MMP16: variants seen among roughly 807,000 people sequenced by gnomAD.
The protein encoded by MMP16 is matrix metallopeptidase 16, also known as matrix metalloproteinase-16.
MMP16 carries 12 observed loss-of-function variants against 67.8 expected under a neutral mutation model. That is an observed-to-expected ratio of 0.18 (90% confidence interval 0.11 to 0.29). MMP16 has a LOEUF of 0.29. Among genes scored for constraint, MMP16 ranks in the 10% least tolerant of loss-of-function variants. The pLI is 1.00. For synonymous variants in MMP16, 249 were observed against 255.9 expected (o/e 0.97, Z 0.26); for missense variants, 475 against 765.7 (o/e 0.62, Z 4.48).
chr8:88,320,511 C>T (rs1811442462), intron 1 of MMP16, among the ~76,000 whole-genome samples: 1 of 152,060 alleles, frequency 6.6e-6, no homozygotes, highest in Non-Finnish European at 1.5e-5. Flanking sequence ...GTTATACTGC[C>T]ATGCCCAGAA....
intron 6 of MMP16, among the ~76,000 whole-genome samples, chr8:88,077,080 T>C (rs1808663660): frequency 6.6e-6 from 1 of 152,202 alleles, no homozygotes; most frequent in South Asian, 2.1e-4. Flanking sequence ...GAGATAAGCA[T>C]AGTCAATTTG....
Position 88,116,703 on chromosome 8 carries a change from A to C in MMP16, c.887T>G (p.Ile296Ser), listed in dbSNP as rs374569912. 2.7e-5 allele frequency: 44 copies of C among 1,613,372 alleles called. No individual in the cohort carries two copies. The highest frequency in any genetic ancestry group is 3.6e-5 in the Non-Finnish European group (42 of 1,179,704). The change falls in exon 6 of 10, where the codon ATT (isoleucine) becomes AGT (serine). Residue 296 changes from isoleucine to serine, a missense_variant. Coordinates refer to ENST00000286614, the MANE Select transcript of MMP16 (RefSeq NM_005941.5). ...CGGTAGAGGTCTTGTAGGTGGAGGA[A>C]TCTTGTCAGGTGGACCTTTTGAAAA... ...IQKIYGPPDK[I>S]PPPTRPLPTV...
At chr8:88,254,696 A>G (rs923318108) in intron 1 of MMP16, among the ~76,000 whole-genome samples, 1 of 152,220 alleles carries the variant, frequency 6.6e-6, no homozygotes, top group Non-Finnish European at 1.5e-5. Flanking sequence ...ATGATAAAAA[A>G]TAAGATAAAC....
chr8:88,180,643 A>G (rs1457467793), intron 3 of MMP16, among the ~76,000 whole-genome samples: 2 of 152,034 alleles, frequency 1.3e-5, no homozygotes, highest in African/African-American at 4.8e-5. Context: ...ACTAAAATTG[A>G]TAGAACTGCA....
At chr8:88,060,256 T>C (rs1289412005) in intron 7 of MMP16, among the ~76,000 whole-genome samples, 2 of 152,144 alleles carry the variant, frequency 1.3e-5, no homozygotes, top group East Asian at 3.9e-4. Flanking sequence ...TAGCCAATGG[T>C]ACCATGCTGT....
intron 3 of MMP16, among the ~76,000 whole-genome samples, chr8:88,177,391 G>A (rs908231640): frequency 1.3e-5 from 2 of 152,144 alleles, no homozygotes; most frequent in Non-Finnish European, 2.9e-5. Context: ...TGCCCCAAAA[G>A]TGGAGAGAGG....
chr8:88,136,133 C>G (rs1808114839), intron 4 of MMP16, among the ~76,000 whole-genome samples: 1 of 151,616 alleles, frequency 6.6e-6, no homozygotes. Context: ...AAGAGCTAAA[C>G]TTTTTAATAA....
chr8:88,137,647 C>A (rs1383424115), intron 4 of MMP16, among the ~76,000 whole-genome samples: 1 of 151,916 alleles, frequency 6.6e-6, no homozygotes, highest in Non-Finnish European at 1.5e-5. Flanking sequence ...AACTTTCCTG[C>A]AATTTTCTCT....
intron 1 of MMP16, among the ~76,000 whole-genome samples, chr8:88,292,861 AT>A (rs28986491): frequency 6.6e-6 from 1 of 152,184 alleles, no homozygotes; most frequent in Non-Finnish European, 1.5e-5. Context: ...GTATTACTCT[AT>A]TTTTTAATAT....
intron 1 of MMP16, among the ~76,000 whole-genome samples, chr8:88,262,363 G>A (rs368044639): frequency 7.2e-5 from 11 of 152,170 alleles, no homozygotes; most frequent in African/African-American, 2.4e-4. Flanking sequence ...CCAAGAGCTT[G>A]GCATGTTGAT....
At chr8:88,281,819 C>T (rs941621188) in intron 1 of MMP16, among the ~76,000 whole-genome samples, 3 of 152,072 alleles carry the variant, frequency 2.0e-5, no homozygotes, top group Non-Finnish European at 2.9e-5. Flanking sequence ...CTCTTTGCCT[C>T]GACAATGTCT....
At chr8:88,305,749 G>T (rs1365099525) in intron 1 of MMP16, among the ~76,000 whole-genome samples, 1 of 152,124 alleles carries the variant, frequency 6.6e-6, no homozygotes, top group African/African-American at 2.4e-5. Context: ...ACAGAACAAG[G>T]AGACAATGTA....
chr8:88,124,502 A>G (rs1189061643), intron 4 of MMP16, among the ~76,000 whole-genome samples: 1 of 151,944 alleles, frequency 6.6e-6, no homozygotes, highest in East Asian at 1.9e-4. Context: ...GTGTGCTAAG[A>G]AAACGCACTT....
At chr8:88,254,058 C>A (rs998213395) in intron 1 of MMP16, among the ~76,000 whole-genome samples, 3 of 152,066 alleles carry the variant, frequency 2.0e-5, no homozygotes, top group Non-Finnish European at 2.9e-5. Flanking sequence ...ATGGAATCCA[C>A]CTAAATGCCC....
At chr8:88,106,208 A>G (rs1344199554) in intron 6 of MMP16, among the ~76,000 whole-genome samples, 1 of 151,074 alleles carries the variant, frequency 6.6e-6, no homozygotes, top group Non-Finnish European at 1.5e-5. Flanking sequence ...GATAATTTGT[A>G]TCTGGGTATG....
intron 1 of MMP16, among the ~76,000 whole-genome samples, chr8:88,249,603 A>G (rs1810173994): frequency 6.6e-6 from 1 of 152,096 alleles, no homozygotes; most frequent in South Asian, 2.1e-4. Context: ...TAGAAACCAC[A>G]TTTTGTTGAC....
chr8:88,300,453 C>T (rs977571904), intron 1 of MMP16, among the ~76,000 whole-genome samples: 2 of 152,158 alleles, frequency 1.3e-5, no homozygotes, highest in African/African-American at 2.4e-5. Flanking sequence ...GTGAATCCAA[C>T]GTATTCATAC....
intron 7 of MMP16, among the ~76,000 whole-genome samples, chr8:88,059,783 T>G (rs1402490968): frequency 2.6e-5 from 4 of 151,950 alleles, no homozygotes; most frequent in Non-Finnish European, 5.9e-5. Context: ...TAAGCAGAGA[T>G]AAGCAGAACC....
chr8:88,294,784 G>C (rs540090279), intron 1 of MMP16, among the ~76,000 whole-genome samples: 22 of 152,280 alleles, frequency 1.4e-4, no homozygotes, highest in African/African-American at 5.3e-4. Flanking sequence ...GTGCAATCTT[G>C]ACTAACTGCA....
Sources: gnomAD v4.1 joint callset for allele counts (sites outside exome capture counted in the v4.1 genomes callset) on GRCh38, gnomAD v4.1.1 for gene constraint, MANE v1.5 for transcripts, NCBI Gene and HGNC (gene_info 2026-07-23, HGNC 2026-07-21) for gene names.